The following FHOD3 variants were observed in gnomAD, a reference collection of about 807,000 sequenced individuals.
The protein encoded by FHOD3 is FH1/FH2 domain-containing protein 3.
Under a neutral mutation model 173.0 loss-of-function variants are expected in FHOD3, and 90 were observed. That is an observed-to-expected ratio of 0.52 (90% CI 0.44 to 0.62). The LOEUF (loss-of-function observed/expected upper bound fraction) is 0.62, where lower values mean the gene tolerates loss of function less well. Ranked by LOEUF, FHOD3 falls within the 20% of genes least tolerant of loss-of-function variation. FHOD3 has a pLI of 0.00. For missense variants in FHOD3, 1,945 were observed against 2,034.7 expected (o/e 0.96, Z 0.85); for synonymous variants, 828 against 823.0 (o/e 1.01, Z -0.10).
At chr18:36,743,495 A>G (rs1178391677) in intron 22 of FHOD3, among the ~76,000 whole-genome samples, 2 of 152,118 alleles carry the variant, frequency 1.3e-5, no homozygotes, top group African/African-American at 4.8e-5. Context: ...TCAAATACTC[A>G]TGCTTATAAG....
intron 3 of FHOD3, among the ~76,000 whole-genome samples, chr18:36,407,625 T>G (rs1398953): frequency 0.14 from 21,961 of 152,262 alleles, 1,973 homozygotes; most frequent in Middle Eastern, 0.33. Flanking sequence ...AATTGAAGTT[T>G]GTCTGACTCC....
chr18:36,466,152 C>T (rs1253729764), intron 3 of FHOD3, among the ~76,000 whole-genome samples: 4 of 152,190 alleles, frequency 2.6e-5, no homozygotes, highest in Admixed American at 6.5e-5. Flanking sequence ...TGAATGACTT[C>T]AGTCCATGTT....
At chr18:36,581,759 C>T (rs1249331420) in intron 6 of FHOD3, among the ~76,000 whole-genome samples, 1 of 152,170 alleles carries the variant, frequency 6.6e-6, no homozygotes, top group East Asian at 1.9e-4. Flanking sequence ...AGCCCACCCG[C>T]CAGCCACCCC....
intron 3 of FHOD3, among the ~76,000 whole-genome samples, chr18:36,440,327 C>A (rs1166044690): frequency 6.6e-6 from 1 of 152,212 alleles, no homozygotes; most frequent in African/African-American, 2.4e-5. Flanking sequence ...TTCAGGAAGC[C>A]TTTCCACATC....
intron 27 of FHOD3, 126 bp from the exon 28 acceptor site, chr18:36,769,139 C>A: frequency 9.0e-7 from 1 of 1,105,946 alleles, no homozygotes; most frequent in Non-Finnish European, 1.3e-6. Flanking sequence ...AGCTCTGGGG[C>A]TTTAACTCTG....
chr18:36,767,859 T>C (rs1057155231), intron 27 of FHOD3, among the ~76,000 whole-genome samples: 4 of 152,202 alleles, frequency 2.6e-5, no homozygotes, highest in Non-Finnish European at 5.9e-5. Flanking sequence ...TCACAGTCCA[T>C]TGAACTGTGA....
chr18:36,560,577 G>A (rs1047493913), intron 5 of FHOD3, among the ~76,000 whole-genome samples: 6 of 152,198 alleles, frequency 3.9e-5, no homozygotes, highest in African/African-American at 4.8e-5. Flanking sequence ...ATTTGGCCAA[G>A]GGGATTCCTG....
At chr18:36,554,232 C>A (rs2057780378) in intron 5 of FHOD3, among the ~76,000 whole-genome samples, 1 of 152,068 alleles carries the variant, frequency 6.6e-6, no homozygotes, top group Admixed American at 6.6e-5. Flanking sequence ...GACTTGGAAC[C>A]AACCCAAATG....
intron 3 of FHOD3, among the ~76,000 whole-genome samples, chr18:36,381,348 A>G (rs2047776340): frequency 6.6e-6 from 1 of 152,216 alleles, no homozygotes; most frequent in Non-Finnish European, 1.5e-5. Context: ...CAGGCTGCAG[A>G]TGCCTAGGAG....
chr18:36,516,277 G>GT (rs1181858300), intron 5 of FHOD3, among the ~76,000 whole-genome samples: 1 of 152,146 alleles, frequency 6.6e-6, no homozygotes, highest in African/African-American at 2.4e-5. Context: ...GCTGGGAAAA[G>GT]TTTTGCAGTT....
chr18:36,614,197 A>T (rs1014869028), intron 9 of FHOD3, among the ~76,000 whole-genome samples: 1 of 152,146 alleles, frequency 6.6e-6, no homozygotes, highest in African/African-American at 2.4e-5. Context: ...CAAACCGGTA[A>T]TCTACTTTCT....
chr18:36,377,071 G>A (rs965336126), intron 3 of FHOD3, among the ~76,000 whole-genome samples: 1 of 152,208 alleles, frequency 6.6e-6, no homozygotes, highest in Non-Finnish European at 1.5e-5. Context: ...TGAGGTGCAG[G>A]TTTTGTCCAG....
chr18:36,681,335 A>T, intron 14 of FHOD3, 101 bp from the exon 15 acceptor site: 2 of 1,409,006 alleles, frequency 1.4e-6, no homozygotes, highest in East Asian at 4.6e-5. Flanking sequence ...TTGCCTAGGT[A>T]CCGGCAGACC....
At chr18:36,644,588 A>G (rs1000186175) in intron 10 of FHOD3, among the ~76,000 whole-genome samples, 6 of 152,166 alleles carry the variant, frequency 3.9e-5, no homozygotes. Context: ...CAACACATAC[A>G]TCATATGAAG....
intron 9 of FHOD3, among the ~76,000 whole-genome samples, chr18:36,621,245 G>C (rs2033681410): frequency 6.6e-6 from 1 of 152,224 alleles, no homozygotes; most frequent in Non-Finnish European, 1.5e-5. Flanking sequence ...TAGAGGATGA[G>C]AAATAACTAT....
chr18:36,393,332 G>T (rs1598947969), intron 3 of FHOD3, among the ~76,000 whole-genome samples: 1 of 151,964 alleles, frequency 6.6e-6, no homozygotes, highest in East Asian at 1.9e-4. Flanking sequence ...TCTCTCCAAG[G>T]TTTCTCCACC....
intron 1 of FHOD3, among the ~76,000 whole-genome samples, chr18:36,332,879 C>T (rs1019195623): frequency 2.0e-5 from 3 of 152,216 alleles, no homozygotes; most frequent in Admixed American, 6.5e-5. Flanking sequence ...CAATCCCTTA[C>T]CCCCTGCCAT....
chr18:36,702,819 CGT>C (rs1486186279), intron 17 of FHOD3, among the ~76,000 whole-genome samples: 2 of 151,974 alleles, frequency 1.3e-5, no homozygotes, highest in African/African-American at 2.4e-5. Context: ...TGTGTGTGCG[CGT>C]GTGTGTGTGC....
intron 6 of FHOD3, 27 bp downstream of exon 6, chr18:36,576,572 T>G (rs1221892266): frequency 5.8e-6 from 9 of 1,543,806 alleles, no homozygotes; most frequent in Admixed American, 3.6e-5. Flanking sequence ...GTTGACTGTT[T>G]TGTTCACTTG....
Sources: gnomAD v4.1 joint callset for allele counts (sites outside exome capture counted in the v4.1 genomes callset) on GRCh38, gnomAD v4.1.1 for gene constraint, MANE v1.5 for transcripts, NCBI Gene and HGNC (gene_info 2026-07-23, HGNC 2026-07-21) for gene names.